The following C1QTNF7 variants were observed in gnomAD, a reference collection of about 807,000 sequenced individuals.
C1QTNF7 encodes the protein C1q and TNF related 7, also known as complement C1q tumor necrosis factor-related protein 7.
C1QTNF7 carries 15 observed loss-of-function variants against 19.6 expected under a neutral mutation model. That is an observed-to-expected ratio of 0.76 (90% confidence interval 0.51 to 1.18). The LOEUF (loss-of-function observed/expected upper bound fraction) is 1.18. Among genes scored for constraint, C1QTNF7 ranks in the 50% most tolerant of loss-of-function variants. The pLI is 0.00. For missense variants in C1QTNF7, 324 were observed against 359.7 expected (o/e 0.90, Z 0.80); for synonymous variants, 142 against 137.5 (o/e 1.03, Z -0.23).
upstream of C1QTNF7, chr4:15,427,992 T>G: frequency 1.0e-6 from 1 of 976,694 alleles, no homozygotes; most frequent in Non-Finnish European, 1.2e-6. Context: ...TCTTTGAGAA[T>G]TTGGATCTGT....
chr4:15,415,378 T>C (rs914479480), intron 1 of C1QTNF7, among the ~76,000 whole-genome samples: 1 of 152,182 alleles, frequency 6.6e-6, no homozygotes, highest in African/African-American at 2.4e-5. Context: ...AAAAAGGACA[T>C]TTATTTTCAT....
chr4:15,370,817 G>A (rs1717694251), intron 1 of C1QTNF7, among the ~76,000 whole-genome samples: 1 of 152,062 alleles, frequency 6.6e-6, no homozygotes, highest in African/African-American at 2.4e-5. Context: ...AATTCCACAT[G>A]TACTCTCTCA....
intron 2 of C1QTNF7, among the ~76,000 whole-genome samples, chr4:15,440,493 C>CGCCTCCCGGGTTCAAGCAATTCCCCT (rs1275576190): frequency 4.6e-5 from 7 of 151,694 alleles, no homozygotes; most frequent in Non-Finnish European, 1.0e-4. Context: ...CTGCAACCTC[C>CGCCTCCCGGGTTCAAGCAATTCCCCT]GCCTCCCGGG....
intron 1 of C1QTNF7, among the ~76,000 whole-genome samples, chr4:15,392,999 T>A (rs1054756330): frequency 6.6e-6 from 1 of 152,294 alleles, no homozygotes; most frequent in East Asian, 1.9e-4. Context: ...CATCTTGAAT[T>A]GTAGCTCCCA....
chr4:15,409,826 A>G (rs1446249817), intron 1 of C1QTNF7, among the ~76,000 whole-genome samples: 1 of 152,224 alleles, frequency 6.6e-6, no homozygotes, highest in Non-Finnish European at 1.5e-5. Flanking sequence ...CTGAAATAGG[A>G]CAATACATAT....
Position 15,442,327 on chromosome 4 carries a change from C to T in C1QTNF7, c.398C>T (p.Pro133Leu), listed in dbSNP as rs201630756. 3.9e-5 allele frequency: 63 copies of T among 1,614,048 alleles called. 1 individual carries two copies. In the Middle Eastern group the frequency reaches 6.6e-4, roughly 17 times the overall value. The stretch of plus-strand genomic sequence containing the variant: ...GGAGACAGAGGAGAACAAGGGGACC[C>T]GGGGCTGCCTGGAGTTTGCAGATGT... ...PKGDRGEQGD[P>L]GLPGVCRCGS... Residue 133 changes from proline to leucine, a missense_variant, in exon 3 of 3, where the codon CCG becomes CTG. By Grantham distance (98) the Pro-to-Leu change is moderately conservative. Coordinates refer to ENST00000444304, the MANE Select transcript of C1QTNF7 (RefSeq NM_031911.5).
chr4:15,375,981 AG>A (rs1170365556), intron 1 of C1QTNF7, among the ~76,000 whole-genome samples: 1 of 152,210 alleles, frequency 6.6e-6, no homozygotes, highest in Non-Finnish European at 1.5e-5. Context: ...GAAAGGCTCT[AG>A]GTTACTGTAC....
At chr4:15,377,134 A>G (rs974423584) in intron 1 of C1QTNF7, among the ~76,000 whole-genome samples, 21 of 152,190 alleles carry the variant, frequency 1.4e-4, no homozygotes, top group African/African-American at 5.1e-4. Context: ...TATATACTAA[A>G]GTTTGACAGT....
chr4:15,375,606 C>G lies in C1QTNF7; in HGVS notation c.13+35399C>G, dbSNP rs145171106. ...AACGGAATCGTTTTGTTTGGATCAG[C>G]CTTTGTCCTCAGGAACTTGAATGTC... is the stretch of plus-strand genomic sequence containing the variant. On this transcript the variant is annotated intron_variant, in intron 1 of 2. Transcript: ENST00000295297. Among the ~76,000 whole-genome samples, 42 of 152,258 alleles carry G rather than the reference C, an allele frequency of 2.8e-4. No individual in the cohort carries two copies. In the East Asian group the frequency reaches 6.6e-3, roughly 24 times the overall value.
intron 1 of C1QTNF7, among the ~76,000 whole-genome samples, chr4:15,389,091 A>C (rs1304943400): frequency 6.6e-6 from 1 of 152,168 alleles, no homozygotes; most frequent in African/African-American, 2.4e-5. Context: ...ATTCAGAGGG[A>C]TGGTGAGGAT....
chr4:15,373,238 C>A (rs547227462), intron 1 of C1QTNF7, among the ~76,000 whole-genome samples: 1 of 152,182 alleles, frequency 6.6e-6, no homozygotes, highest in Non-Finnish European at 1.5e-5. Context: ...GGGACAAATG[C>A]TATGTCCACA....
chr4:15,423,069 C>T (rs992973808), upstream of C1QTNF7, among the ~76,000 whole-genome samples: 3 of 152,158 alleles, frequency 2.0e-5, no homozygotes, highest in Admixed American at 1.3e-4. Context: ...TTGTCTTCTA[C>T]ATGTGAAGTA....
At chr4:15,370,528 T>G (rs1717683332) in intron 1 of C1QTNF7, among the ~76,000 whole-genome samples, 1 of 152,130 alleles carries the variant, frequency 6.6e-6, no homozygotes, top group Non-Finnish European at 1.5e-5. Flanking sequence ...CTCTGTTCCC[T>G]CAGAGAGAGA....
intron 1 of C1QTNF7, among the ~76,000 whole-genome samples, chr4:15,355,670 A>G (rs1283880975): frequency 6.6e-6 from 1 of 152,100 alleles, no homozygotes; most frequent in Non-Finnish European, 1.5e-5. Flanking sequence ...GGAGCCCACC[A>G]ATCAGAAAGA....
In C1QTNF7 at chr4:15,377,863, C is replaced by G. The variant is rs1168465176; in HGVS notation, c.13+37656C>G. On this transcript the variant is annotated intron_variant, in intron 1 of 2. Transcript: ENST00000295297. ...ATAAACAACTTAGCACCGCAACTAG[C>G]ATAATAGATACCTAAGAAACAAGAG... is the stretch of plus-strand genomic sequence containing the variant. 2.0e-5 allele frequency among the ~76,000 whole-genome samples: 3 copies of G among 152,310 alleles called. No individual in the cohort carries two copies. The East Asian group carries it at 5.8e-4, about 29-fold the overall frequency.
intron 1 of C1QTNF7, among the ~76,000 whole-genome samples, chr4:15,353,853 T>C (rs1427065131): frequency 6.6e-6 from 1 of 151,860 alleles, no homozygotes; most frequent in African/African-American, 2.4e-5. Context: ...TTGTTTAAAA[T>C]GTGTTTAAAT....
At chr4:15,429,491 G>C (rs1712210805) in intron 1 of C1QTNF7, among the ~76,000 whole-genome samples, 1 of 152,138 alleles carries the variant, frequency 6.6e-6, no homozygotes, top group Admixed American at 6.5e-5. Flanking sequence ...CACAATATTT[G>C]TCCTTTTGTG....
rs528592796 is a variant in C1QTNF7 at position 15,392,280 on chromosome 4, C to T, written c.14-43456C>T. On this transcript the variant is annotated intron_variant, in intron 1 of 2. Coordinates refer to the C1QTNF7 transcript ENST00000295297. ...GCACATTCATCAGATCCATGATTCA[C>T]ACCTGTGTATATATCTAGGGGGCGC... 3.0e-4 allele frequency among the ~76,000 whole-genome samples: 45 copies of T among 152,166 alleles called. 1 individual carries two copies. The highest frequency in any genetic ancestry group is 2.8e-4 in the Non-Finnish European group (19 of 68,042).
chr4:15,394,191 C>T (rs1718692077), intron 1 of C1QTNF7, among the ~76,000 whole-genome samples: 1 of 152,136 alleles, frequency 6.6e-6, no homozygotes, highest in Non-Finnish European at 1.5e-5. Context: ...GAGGAAAGTA[C>T]GTAAGGTAAA....
Sources: gnomAD v4.1 joint callset for allele counts (sites outside exome capture counted in the v4.1 genomes callset) on GRCh38, gnomAD v4.1.1 for gene constraint, MANE v1.5 for transcripts, NCBI Gene and HGNC (gene_info 2026-07-23, HGNC 2026-07-21) for gene names.